The following ETNPPL variants were observed in gnomAD, a reference collection of about 807,000 sequenced individuals.
ETNPPL encodes the protein ethanolamine-phosphate phospho-lyase.
Under a neutral mutation model 55.5 loss-of-function variants are expected in ETNPPL, and 30 were observed. That is an observed-to-expected ratio of 0.54 (90% CI 0.40 to 0.73). ETNPPL has a LOEUF of 0.73. ETNPPL is among the 30% of genes least tolerant of loss of function. ETNPPL has a pLI of 0.00. For missense variants in ETNPPL, 528 were observed against 607.9 expected (o/e 0.87, Z 1.38); for synonymous variants, 202 against 207.2 (o/e 0.98, Z 0.21).
rs763298129 is a variant in ETNPPL, at chr4:108,743,824, T to A, written c.1336A>T (p.Ser446Cys). 1 of 1,612,190 alleles carries A rather than the reference T, an allele frequency of 6.2e-7. No homozygotes were observed. The highest frequency in any genetic ancestry group is 8.5e-7 in the Non-Finnish European group (1 of 1,178,344). Residue 446 changes from serine (S) to cysteine (C), a missense_variant, in exon 12 of 13, where the codon AGT becomes TGT. Coordinates refer to ENST00000296486, the MANE Select transcript of ETNPPL (RefSeq NM_031279.4). ...CATGGAGTATTCTCAGAGGTCACAC[T>A]TTCGGTTTTGGTTCCCATAGCTTCT... is the stretch of plus-strand genomic sequence containing the variant. ...LEEAMGTKTE[S>C]VTSENTPCKT...
At chr4:108,754,795 C>A in intron 4 of ETNPPL, 85 bp from the exon 5 acceptor site, 1 of 779,304 alleles carries the variant, frequency 1.3e-6, no homozygotes, top group South Asian at 1.5e-5. Flanking sequence ...TGTTGCATTT[C>A]ATCCATATGC....
chr4:108,746,902 G>T, intron 9 of ETNPPL, 51 bp from the exon 10 acceptor site: 3 of 1,251,350 alleles, frequency 2.4e-6, no homozygotes, highest in South Asian at 2.5e-5. Flanking sequence ...ACTCTTCACT[G>T]TCACAAAAAG....
chr4:108,759,613 G>A (rs553895638), intron 3 of ETNPPL, 136 bp downstream of exon 3: 32 of 801,826 alleles, frequency 4.0e-5, no homozygotes, highest in South Asian at 1.2e-4. Context: ...CCTAATGTGT[G>A]ATCACTTAGT....
chr4:108,762,440 T>G, intron 1 of ETNPPL: 1 of 583,008 alleles, frequency 1.7e-6, no homozygotes, highest in East Asian at 4.0e-5. Context: ...TGAAAAAATA[T>G]TTCTCAGTTC....
At chr4:108,750,495 C>T (rs1445275811) in intron 7 of ETNPPL, among the ~76,000 whole-genome samples, 8 of 141,620 alleles carry the variant, frequency 5.6e-5, no homozygotes, top group African/African-American at 2.1e-4. Context: ...TTAATACCGC[C>T]GTGTGTGTGT....
chr4:108,755,861 A>G (rs1170573721), intron 4 of ETNPPL, among the ~76,000 whole-genome samples: 1 of 152,136 alleles, frequency 6.6e-6, no homozygotes, highest in Non-Finnish European at 1.5e-5. Context: ...TAAAGATGGA[A>G]GTTGCCAGAT....
chr4:108,746,893 C>T (rs1287986671), intron 9 of ETNPPL, 42 bp from the exon 10 acceptor site: 1 of 1,369,616 alleles, frequency 7.3e-7, no homozygotes, highest in African/African-American at 1.4e-5. Flanking sequence ...ATCTGTCCAA[C>T]TCTTCACTGT....
intron 3 of ETNPPL, among the ~76,000 whole-genome samples, 194 bp from the exon 4 acceptor site, chr4:108,756,686 C>G (rs972908759): frequency 2.7e-5 from 4 of 149,376 alleles, no homozygotes; most frequent in Non-Finnish European, 5.9e-5. Context: ...ATTAGCCAGG[C>G]GCAGCAGCGT....
intron 4 of ETNPPL, among the ~76,000 whole-genome samples, chr4:108,755,123 A>T (rs1163826389): frequency 6.6e-6 from 1 of 152,244 alleles, no homozygotes; most frequent in African/African-American, 2.4e-5. Context: ...AAACAACTTT[A>T]TATCATAGAA....
At chr4:108,746,718 C>G in intron 10 of ETNPPL, 44 bp downstream of exon 10, 1 of 1,580,920 alleles carries the variant, frequency 6.3e-7, no homozygotes, top group South Asian at 1.1e-5. Context: ...GGGTAGGCAT[C>G]CTGCAGCCAA....
intron 4 of ETNPPL, 60 bp from the exon 5 acceptor site, chr4:108,754,770 G>A: frequency 9.8e-7 from 1 of 1,015,390 alleles, no homozygotes; most frequent in South Asian, 1.4e-5. Context: ...ATATTTTCAA[G>A]TATATGAAAA....
intron 6 of ETNPPL, among the ~76,000 whole-genome samples, chr4:108,751,244 T>C (rs1486282161): frequency 6.6e-6 from 1 of 152,216 alleles, no homozygotes; most frequent in Admixed American, 6.5e-5. Flanking sequence ...AAAGCTACCA[T>C]GAGAAATAGA....
intron 6 of ETNPPL, 136 bp from the exon 7 acceptor site, chr4:108,751,154 T>C (rs1728895376): frequency 4.0e-6 from 2 of 497,510 alleles, no homozygotes; most frequent in South Asian, 3.1e-5. Context: ...AGCCATTTGA[T>C]TAAAGAAAAA....
intron 11 of ETNPPL, 42 bp downstream of exon 11, chr4:108,746,357 G>A (rs1728496382): frequency 6.3e-7 from 1 of 1,580,782 alleles, no homozygotes; most frequent in Admixed American, 1.8e-5. Context: ...GGTGGGTTTG[G>A]GAGAGGGAAC....
chr4:108,754,677 C>A lies in ETNPPL; in HGVS notation c.444G>T (p.Glu148Asp). ...AYHGHLSSLI[E>D]ISPYKFQKGK... ...CTTTCTGAAACTTATATGGGCTAAT[C>A]TCAATTAAGGATGATAGGTGACCAT... Residue 148 changes from glutamate (E) to aspartate (D), a missense_variant, in exon 5 of 13, where the codon GAG becomes GAT. By Grantham distance (45) the Glu-to-Asp change is conservative. Coordinates refer to ENST00000296486, the MANE Select transcript of ETNPPL (RefSeq NM_031279.4). 1 of 1,600,260 alleles carries A rather than the reference C, an allele frequency of 6.2e-7. No homozygotes were observed. Among genetic ancestry groups the A allele is most frequent in the Non-Finnish European group, 8.6e-7 (1 of 1,169,014 alleles).
chr4:108,762,812 T>C lies in ETNPPL; in HGVS notation c.56+31A>G, dbSNP rs755119816. On this transcript the variant is annotated intron_variant, in intron 1 of 12. Transcript: ENST00000296486. ...TCTGCACTCGTTATTGCCCCCTCTC[T>C]GCACTTACTTCCGGGCCAGGGTGCC... 3.7e-6 allele frequency: 6 copies of C among 1,612,900 alleles called. No homozygotes were observed. The East Asian group carries it at 1.1e-4, about 30-fold the overall frequency.
rs753218203 is a variant in ETNPPL, at chr4:108,759,804, G to A, written c.280C>T (p.Arg94Cys). 1.7e-5 allele frequency: 27 copies of A among 1,613,996 alleles called. 1 individual carries two copies. Among genetic ancestry groups the A allele is most frequent in the Non-Finnish European group, 1.9e-5 (23 of 1,179,988 alleles). The change falls in exon 3 of 13, where the codon CGC (arginine) becomes TGC (cysteine). Residue 94 changes from arginine (R) to cysteine (C), a missense_variant. Coordinates refer to ENST00000296486, the MANE Select transcript of ETNPPL (RefSeq NM_031279.4). The part of the protein sequence containing the change: ...LHDNIVEYAK[R>C]LSATLPEKLS... ...TTCTCCGGCAGAGTTGCTGAAAGGC[G>A]TTTGGCATACTCAACAATGTTGTCG...
At chr4:108,762,157 C>A (rs867136086) in intron 1 of ETNPPL, 2 of 276,414 alleles carry the variant, frequency 7.2e-6, no homozygotes, top group Middle Eastern at 1.5e-3. Flanking sequence ...TGACATCCAA[C>A]GAGAGCTAGA....
chr4:108,760,499 T>C (rs1289027413), intron 1 of ETNPPL, among the ~76,000 whole-genome samples, 193 bp from the exon 2 acceptor site: 1 of 152,226 alleles, frequency 6.6e-6, no homozygotes, highest in Non-Finnish European at 1.5e-5. Context: ...TTCATGACAT[T>C]GTTCACATTC....
Sources: allele counts gnomAD v4.1 joint callset (sites outside exome capture counted in the v4.1 genomes callset), GRCh38; gene constraint gnomAD v4.1.1; transcripts MANE v1.5; gene names NCBI Gene and HGNC (gene_info 2026-07-23, HGNC 2026-07-21).